RAPGEF6: variants seen among roughly 807,000 people sequenced by gnomAD.
RAPGEF6 encodes the protein Rap guanine nucleotide exchange factor 6.
RAPGEF6 carries 56 observed loss-of-function variants against 171.4 expected under a neutral mutation model. That is an observed-to-expected ratio of 0.33 (90% CI 0.26 to 0.41). RAPGEF6 has a LOEUF of 0.41. Ranked by LOEUF, RAPGEF6 falls within the 10% of genes least tolerant of loss-of-function variation. RAPGEF6 has a pLI of 1.00. For synonymous variants in RAPGEF6, 692 were observed against 650.1 expected, an observed-to-expected ratio of 1.06 and a Z score of -0.98; for missense variants, 1,674 against 1,921.4, an observed-to-expected ratio of 0.87 and a Z score of 2.41.
chr5:131,496,542 C>A (rs920355815), intron 12 of RAPGEF6, among the ~76,000 whole-genome samples: 1 of 152,198 alleles, frequency 6.6e-6, no homozygotes, highest in Non-Finnish European at 1.5e-5. Context: ...CAGCCCCTGG[C>A]GGCCACTAGT....
At chr5:131,598,089 C>T (rs185988615) in intron 3 of RAPGEF6, among the ~76,000 whole-genome samples, 4 of 151,994 alleles carry the variant, frequency 2.6e-5, no homozygotes, top group East Asian at 1.9e-4. Flanking sequence ...ATATTTATTA[C>T]GTTCAAGAAA....
At chr5:131,458,556 G>T (rs760912206) in intron 19 of RAPGEF6, among the ~76,000 whole-genome samples, 1 of 152,244 alleles carries the variant, frequency 6.6e-6, no homozygotes, top group African/African-American at 2.4e-5. Flanking sequence ...AGTGGAATAA[G>T]TGTTCTTGGA....
At chr5:131,631,116 T>C (rs1766278604) in intron 1 of RAPGEF6, among the ~76,000 whole-genome samples, 1 of 152,216 alleles carries the variant, frequency 6.6e-6, no homozygotes, top group African/African-American at 2.4e-5. Context: ...TCTTCTATTC[T>C]CTACGTACAC....
intron 12 of RAPGEF6, among the ~76,000 whole-genome samples, chr5:131,496,012 C>T (rs1756615765): frequency 6.6e-6 from 1 of 152,180 alleles, no homozygotes; most frequent in Admixed American, 6.5e-5. Flanking sequence ...AAAGCGTTTC[C>T]ATGGTCAAGA....
At chr5:131,430,714 G>A in intron 26 of RAPGEF6, 145 bp downstream of exon 26, 2 of 1,162,558 alleles carry the variant, frequency 1.7e-6, no homozygotes, top group Admixed American at 1.7e-5. Flanking sequence ...TGAATTTTTG[G>A]GAAATAACTT....
chr5:131,629,996 C>T (rs1346131297), intron 1 of RAPGEF6, among the ~76,000 whole-genome samples: 1 of 152,176 alleles, frequency 6.6e-6, no homozygotes, highest in African/African-American at 2.4e-5. Context: ...GTTGATAAAG[C>T]AGCAGCAGAA....
chr5:131,609,510 G>A (rs867834709), intron 1 of RAPGEF6, among the ~76,000 whole-genome samples: 87 of 152,100 alleles, frequency 5.7e-4, no homozygotes, highest in African/African-American at 2.1e-3. Context: ...GATAAAAAAG[G>A]ATATCCCAGA....
At chr5:131,558,324 C>T (rs889699660) in intron 5 of RAPGEF6, among the ~76,000 whole-genome samples, 4 of 150,680 alleles carry the variant, frequency 2.7e-5, no homozygotes, top group Middle Eastern at 3.4e-3. Flanking sequence ...TTTGCTAGAT[C>T]GTAGTAGTGA....
chr5:131,430,815 CT>C, intron 26 of RAPGEF6, 43 bp downstream of exon 26: 2 of 1,577,120 alleles, frequency 1.3e-6, no homozygotes, highest in South Asian at 2.4e-5. Context: ...CATTTTTTGA[CT>C]ACTTAATCTC....
intron 5 of RAPGEF6, among the ~76,000 whole-genome samples, chr5:131,560,439 A>G (rs1761527299): frequency 6.6e-6 from 1 of 152,228 alleles, no homozygotes; most frequent in South Asian, 2.1e-4. Flanking sequence ...TATGTAAAAC[A>G]AGCACTAAAA....
At chr5:131,619,462 G>A (rs1264269271) in intron 1 of RAPGEF6, among the ~76,000 whole-genome samples, 5 of 152,102 alleles carry the variant, frequency 3.3e-5, no homozygotes, top group Admixed American at 2.0e-4. Context: ...AGAACTTAAA[G>A]TATAATTTTA....
At position 131,508,210 on chromosome 5, in the gene RAPGEF6, A is replaced by G. The variant is rs987758768; in HGVS notation, c.806-3T>C. ...GTGCATAAACTCCAGCAATTGTTCT[A>G]TAAGAAAACAGAAATTCTGGTATAA... On this transcript the variant is annotated splice_region_variant and splice_polypyrimidine_tract_variant and intron_variant, in intron 8 of 27. Coordinates refer to ENST00000509018, the MANE Select transcript of RAPGEF6 (RefSeq NM_016340.6). The G allele has an allele frequency of 1.9e-6, 3 of 1,602,276 alleles. No individual in the cohort carries two copies. Among genetic ancestry groups the G allele is most frequent in the Non-Finnish European group, 2.6e-6 (3 of 1,175,472 alleles).
At position 131,503,523 on chromosome 5, in the gene RAPGEF6, A is replaced by G. The variant is rs114862682; in HGVS notation, c.1254+1103T>C. Among the ~76,000 whole-genome samples the G allele has an allele frequency of 4.9e-3, 752 of 152,348 alleles. 9 individuals carry two copies. Among genetic ancestry groups the G allele is most frequent in the South Asian group, 0.018 (86 of 4,830 alleles). On this transcript the variant is annotated intron_variant, in intron 11 of 27. Coordinates refer to ENST00000509018, the MANE Select transcript of RAPGEF6 (RefSeq NM_016340.6). ...AGGAAAAGAAAGATCTCTGAGGAAT[A>G]GCCTGACTCTAAGGGAAGAAGAAGT...
In RAPGEF6 at chr5:131,550,264, T is replaced by C. The variant is rs143362344; in HGVS notation, c.352-2074A>G. On this transcript the variant is annotated intron_variant, in intron 5 of 27. Transcript: ENST00000509018. Reference sequence around the variant, plus strand: ...AACAAATCACCTAGATAATCACCATTACTCAGGTTTCCTGTTCAAAATGCC... The same window carrying C: ...AACAAATCACCTAGATAATCACCATCACTCAGGTTTCCTGTTCAAAATGCC... Among the ~76,000 whole-genome samples, 513 of 152,276 alleles carry C rather than the reference T, an allele frequency of 3.4e-3. 4 individuals are homozygous for C. The highest frequency in any genetic ancestry group is 0.011 in the African/African-American group (464 of 41,544).
chr5:131,596,178 G>C (rs1248590003), intron 3 of RAPGEF6, among the ~76,000 whole-genome samples: 1 of 147,948 alleles, frequency 6.8e-6, no homozygotes, highest in African/African-American at 2.5e-5. Flanking sequence ...AAAAGTTAAA[G>C]GATAGAAAAA....
At position 131,601,356 on chromosome 5, in the gene RAPGEF6, G is replaced by A. The variant is rs528978165; in HGVS notation, c.197+1915C>T. Among the ~76,000 whole-genome samples the A allele has an allele frequency of 1.2e-4, 18 of 145,750 alleles. No homozygotes were observed. The South Asian group carries it at 3.9e-3, about 31-fold the overall frequency. ...GCCAAGGTCACACCATTGCACTCCA[G>A]CCTCAGTGACAAGAGCGAGACTCCG... On this transcript the variant is annotated intron_variant, in intron 3 of 27. Transcript: ENST00000509018.
At chr5:131,571,758 A>G (rs1433647329) in intron 4 of RAPGEF6, among the ~76,000 whole-genome samples, 2 of 152,312 alleles carry the variant, frequency 1.3e-5, no homozygotes, top group East Asian at 3.9e-4. Flanking sequence ...TATGAAAACA[A>G]ATAACCAAAA....
rs1463820834 is a variant in RAPGEF6 at position 131,425,017 on chromosome 5, C to A, written c.*2249G>T. 1 of 152,250 alleles carries A rather than the reference C, an allele frequency of 6.6e-6. No homozygotes were observed. The highest frequency in any genetic ancestry group is 1.5e-5 in the Non-Finnish European group (1 of 68,002). The allele number at this position is 152,250 out of a possible 1,614,324, so 9.4% of individuals were successfully genotyped here. On this transcript the variant is annotated 3_prime_UTR_variant, in exon 28 of 28. Transcript: ENST00000509018. ...GTACCCTTAGTTAAAATATAAAAAT[C>A]AAAACCTCATGATTTTTTAAGGGAT...
chr5:131,625,474 G>A (rs1164767314), intron 1 of RAPGEF6, among the ~76,000 whole-genome samples: 3 of 151,904 alleles, frequency 2.0e-5, no homozygotes, highest in African/African-American at 7.3e-5. Context: ...CTGGGTCCAG[G>A]ACCTTATCTC....
Sources: gnomAD v4.1 joint callset for allele counts (sites outside exome capture counted in the v4.1 genomes callset) on GRCh38, gnomAD v4.1.1 for gene constraint, MANE v1.5 for transcripts, NCBI Gene and HGNC (gene_info 2026-07-23, HGNC 2026-07-21) for gene names.